The following CCSER1 variants were observed in gnomAD, a reference collection of about 807,000 sequenced individuals.
CCSER1 encodes serine-rich coiled-coil domain-containing protein 1.
A neutral mutation model predicts 82.0 loss-of-function variants in CCSER1; 41 were observed. That is an observed-to-expected ratio of 0.50 (90% CI 0.39 to 0.65). CCSER1 has a LOEUF of 0.65. CCSER1 is among the 30% of genes least tolerant of loss of function. CCSER1 has a pLI of 0.00. For synonymous variants in CCSER1, 414 were observed against 383.9 expected (o/e 1.08, Z -0.92); for missense variants, 1,119 against 1,064.2 (o/e 1.05, Z -0.72).
intron 5 of CCSER1, among the ~76,000 whole-genome samples, chr4:90,484,502 T>G (rs977737809): frequency 5.3e-5 from 8 of 152,182 alleles, no homozygotes; most frequent in Non-Finnish European, 1.0e-4. Context: ...TCTTTGTGGT[T>G]TTATCTACTT....
intron 6 of CCSER1, among the ~76,000 whole-genome samples, chr4:90,651,578 AG>A (rs1276069283): frequency 6.6e-6 from 1 of 152,130 alleles, no homozygotes; most frequent in Non-Finnish European, 1.5e-5. Flanking sequence ...TAGGAGAAAT[AG>A]CTAATGTAGG....
At chr4:91,499,835 A>G (rs1370746721) in intron 10 of CCSER1, among the ~76,000 whole-genome samples, 2 of 152,010 alleles carry the variant, frequency 1.3e-5, no homozygotes, top group Non-Finnish European at 2.9e-5. Context: ...GTGATGAATA[A>G]TGTTCCCTTT....
chr4:90,729,406 G>T (rs964169553), intron 7 of CCSER1, among the ~76,000 whole-genome samples: 1 of 151,988 alleles, frequency 6.6e-6, no homozygotes, highest in Non-Finnish European at 1.5e-5. Context: ...TATTTTATAC[G>T]CTTGAGTATT....
chr4:90,804,233 A>C (rs969005377), intron 7 of CCSER1, among the ~76,000 whole-genome samples: 3 of 151,872 alleles, frequency 2.0e-5, no homozygotes, highest in Non-Finnish European at 2.9e-5. Flanking sequence ...CCCATTTGTC[A>C]GTTTTGGCTT....
chr4:91,496,587 C>T (rs1252617150), intron 10 of CCSER1, among the ~76,000 whole-genome samples: 5 of 16,822 alleles, frequency 3.0e-4, no homozygotes, highest in African/African-American at 4.3e-4. Flanking sequence ...TATATATATA[C>T]ACGAATATAT....
Position 90,309,153 on chromosome 4 carries a change from A to G in CCSER1, c.869A>G (p.Asn290Ser), listed in dbSNP as rs767527571. 8.1e-6 allele frequency: 13 copies of G among 1,613,838 alleles called. No homozygotes were observed. The highest frequency in any genetic ancestry group is 4.0e-5 in the African/African-American group (3 of 74,926). ...TCCCACTGTGACAACTTTGGCCACA[A>G]TGATTCTACCTCTCAGATGTCCCTC... Reference protein sequence around the residue: ...MASHCDNFGHNDSTSQMSLNS... With the variant: ...MASHCDNFGHSDSTSQMSLNS... Residue 290 changes from asparagine (N) to serine (S), a missense_variant, in exon 2 of 11, where the codon AAT becomes AGT. Asn to Ser is a conservative substitution (Grantham distance 46). Transcript: ENST00000509176.
At chr4:90,643,453 A>T (rs184727685) in intron 6 of CCSER1, among the ~76,000 whole-genome samples, 152 of 152,228 alleles carry the variant, frequency 1.0e-3, no homozygotes, top group African/African-American at 3.5e-3. Context: ...AAGAATATAC[A>T]GTCTAAATCT....
At chr4:90,960,658 C>T (rs990522502) in intron 9 of CCSER1, among the ~76,000 whole-genome samples, 5 of 152,232 alleles carry the variant, frequency 3.3e-5, no homozygotes, top group African/African-American at 9.6e-5. Flanking sequence ...CTTTCATTTT[C>T]GGTATGAAAG....
intron 7 of CCSER1, among the ~76,000 whole-genome samples, chr4:90,760,898 T>A (rs1750319733): frequency 6.6e-6 from 1 of 152,080 alleles, no homozygotes; most frequent in Non-Finnish European, 1.5e-5. Flanking sequence ...AGTGTGGTAA[T>A]AGAGAAGTAA....
chr4:91,158,803 G>A (rs897363056), intron 10 of CCSER1, among the ~76,000 whole-genome samples: 1 of 151,930 alleles, frequency 6.6e-6, no homozygotes, highest in East Asian at 1.9e-4. Flanking sequence ...GCTCAATCAG[G>A]TGAATCACAC....
At chr4:90,708,320 C>CA in intron 6 of CCSER1, among the ~76,000 whole-genome samples, 1 of 152,304 alleles carries the variant, frequency 6.6e-6, no homozygotes, top group South Asian at 2.1e-4. Context: ...GCCAACTGTA[C>CA]AACTGCTGAG....
At chr4:91,216,353 T>A (rs938501633) in intron 10 of CCSER1, among the ~76,000 whole-genome samples, 4 of 152,210 alleles carry the variant, frequency 2.6e-5, no homozygotes, top group African/African-American at 9.7e-5. Flanking sequence ...AGAGTCTCGC[T>A]CTGTCGCCCA....
At chr4:91,125,619 G>T (rs1727441344) in intron 10 of CCSER1, among the ~76,000 whole-genome samples, 1 of 151,602 alleles carries the variant, frequency 6.6e-6, no homozygotes, top group Non-Finnish European at 1.5e-5. Flanking sequence ...AAAAATTTCA[G>T]ATATCCATCT....
chr4:91,588,892 G>T (rs1331628869), intron 10 of CCSER1, among the ~76,000 whole-genome samples: 2 of 151,668 alleles, frequency 1.3e-5, no homozygotes, highest in African/African-American at 4.8e-5. Flanking sequence ...AAATGCCTTT[G>T]AAGTAAGGCA....
intron 1 of CCSER1, among the ~76,000 whole-genome samples, chr4:90,129,031 C>A (rs1160188193): frequency 6.6e-6 from 1 of 152,208 alleles, no homozygotes; most frequent in African/African-American, 2.4e-5. Context: ...CCTTTTCAGG[C>A]AGTCAGTAGG....
intron 1 of CCSER1, among the ~76,000 whole-genome samples, chr4:90,233,114 C>G (rs530794031): frequency 0.011 from 1,648 of 152,154 alleles, 31 homozygotes; most frequent in African/African-American, 0.037. Flanking sequence ...CCCAGCCATC[C>G]CATTACTGGG....
At chr4:91,296,471 A>ATT (rs1239122527) in intron 10 of CCSER1, among the ~76,000 whole-genome samples, 2 of 137,778 alleles carry the variant, frequency 1.5e-5, no homozygotes, top group African/African-American at 5.8e-5. Context: ...ATATATGTAT[A>ATT]TATATATATA....
chr4:90,657,836 G>T (rs947166982), intron 6 of CCSER1, among the ~76,000 whole-genome samples: 6 of 152,158 alleles, frequency 3.9e-5, no homozygotes, highest in Non-Finnish European at 2.9e-5. Context: ...AGTCACAGTG[G>T]CTCACACCTG....
intron 3 of CCSER1, among the ~76,000 whole-genome samples, chr4:90,383,840 T>G (rs1749591030): frequency 6.6e-6 from 1 of 152,094 alleles, no homozygotes; most frequent in Admixed American, 6.6e-5. Context: ...CAATCATTCC[T>G]GCTATTGAAG....
Sources: gnomAD v4.1 joint callset for allele counts (sites outside exome capture counted in the v4.1 genomes callset) on GRCh38, gnomAD v4.1.1 for gene constraint, MANE v1.5 for transcripts, NCBI Gene and HGNC (gene_info 2026-07-23, HGNC 2026-07-21) for gene names.